TXNDC8: variants seen among roughly 807,000 people sequenced by gnomAD.
TXNDC8 encodes the protein thioredoxin domain containing 8, also known as thioredoxin domain-containing protein 8.
Under a neutral mutation model 12.9 loss-of-function variants are expected in TXNDC8, and 15 were observed. The ratio of observed to expected loss-of-function variants is 1.16; its 90% confidence interval spans 0.78 to 1.79. TXNDC8 has a LOEUF of 1.79. TXNDC8 is among the 40% of genes most tolerant of loss of function. The pLI is 0.00. For missense variants in TXNDC8, 128 were observed against 113.2 expected (o/e 1.13, Z -0.59); for synonymous variants, 40 against 35.4 (o/e 1.13, Z -0.46).
Position 110,334,219 on chromosome 9 carries a change from G to GA in TXNDC8, c.125dup (p.His43ProfsTer2). ...GATATATACTGGTTGTACTCACATG[G>GA]AAAACAGGAAACATCCTTTTGCAGG... is the stretch of plus-strand genomic sequence containing the variant. On this transcript the variant is annotated frameshift_variant, in exon 2 of 5. Coordinates refer to ENST00000423740, the MANE Select transcript of TXNDC8 (RefSeq NM_001286946.2). LOFTEE classifies it high-confidence loss of function. 6.2e-7 allele frequency: 1 copy of GA among 1,610,380 alleles called. No individual in the cohort carries two copies.
In TXNDC8 at chr9:110,316,586, G is replaced by A. The variant is rs116579279; in HGVS notation, c.195+9589C>T. Among the ~76,000 whole-genome samples, 454 of 152,258 alleles carry A rather than the reference G, an allele frequency of 3.0e-3. 2 individuals are homozygous for A. The highest frequency in any genetic ancestry group is 0.01 in the African/African-American group (419 of 41,542). ...AAGCAGCTTGAATTTATATGCACTC[G>A]AATTCAAGAACAAGAGCCTATAAAA... On this transcript the variant is annotated intron_variant, in intron 3 of 4. Transcript: ENST00000423740.
chr9:110,317,062 G>A (rs1587966956), intron 3 of TXNDC8, among the ~76,000 whole-genome samples: 1 of 152,348 alleles, frequency 6.6e-6, no homozygotes, highest in Non-Finnish European at 1.5e-5. Context: ...CTGCCTAAGA[G>A]CTAGGTAGTC....
At chr9:110,311,557 A>ATATATATC (rs1554702019) in intron 3 of TXNDC8, among the ~76,000 whole-genome samples, 7 of 125,930 alleles carry the variant, frequency 5.6e-5, no homozygotes, top group East Asian at 2.4e-4. Flanking sequence ...ATATATATAT[A>ATATATATC]TCTCCATACT....
intron 4 of TXNDC8, 149 bp from the exon 6 acceptor site, chr9:110,303,732 A>G (rs775335075): frequency 6.5e-7 from 1 of 1,539,950 alleles, no homozygotes; most frequent in South Asian, 1.2e-5. Flanking sequence ...TATACATTAA[A>G]CACATTAAAT....
At chr9:110,302,256 C>T (rs142491221), downstream of TXNDC8, among the ~76,000 whole-genome samples, 2 of 152,218 alleles carry the variant, frequency 1.3e-5, no homozygotes, top group East Asian at 1.9e-4. Flanking sequence ...CCACCTCAGC[C>T]TCTCAAGCAG....
intron 3 of TXNDC8, among the ~76,000 whole-genome samples, chr9:110,313,018 G>A (rs531237050): frequency 3.5e-4 from 54 of 152,204 alleles, no homozygotes; most frequent in African/African-American, 1.3e-3. Context: ...TGATTCTCCT[G>A]CCTCAGCCTC....
chr9:110,334,389 G>A, intron 1 of TXNDC8, 69 bp from the exon 2 acceptor site: 2 of 1,385,116 alleles, frequency 1.4e-6, no homozygotes, highest in African/African-American at 2.9e-5. Flanking sequence ...TAGAGAAGAA[G>A]ATGACAGATT....
At chr9:110,330,477 A>AT (rs976554186) in intron 2 of TXNDC8, among the ~76,000 whole-genome samples, 1 of 152,166 alleles carries the variant, frequency 6.6e-6, no homozygotes, top group African/African-American at 2.4e-5. Flanking sequence ...TTTGAGGCTC[A>AT]TTTTTTGCCA....
intron 3 of TXNDC8, among the ~76,000 whole-genome samples, chr9:110,317,042 C>G (rs896987514): frequency 6.6e-6 from 1 of 152,194 alleles, no homozygotes; most frequent in South Asian, 2.1e-4. Context: ...GTTGTTGAGG[C>G]TTCATGCAAC....
At chr9:110,324,998 G>T (rs537195947) in intron 3 of TXNDC8, among the ~76,000 whole-genome samples, 9 of 152,258 alleles carry the variant, frequency 5.9e-5, no homozygotes, top group Middle Eastern at 6.8e-3. Context: ...TGTAATCCCA[G>T]CTACTCGGGA....
At chr9:110,337,584 C>A (rs1303236439) in intron 1 of TXNDC8, among the ~76,000 whole-genome samples, 189 bp downstream of exon 1, 1 of 152,162 alleles carries the variant, frequency 6.6e-6, no homozygotes, top group African/African-American at 2.4e-5. Flanking sequence ...ATCAATTTGA[C>A]CCTTGGCTGC....
chr9:110,302,311 T>A (rs928742294), downstream of TXNDC8, among the ~76,000 whole-genome samples: 26 of 152,122 alleles, frequency 1.7e-4, no homozygotes, highest in African/African-American at 3.9e-4. Flanking sequence ...AATTTGTCTA[T>A]TTTTTGTAGA....
intron 2 of TXNDC8, among the ~76,000 whole-genome samples, chr9:110,331,476 T>C (rs1234539089): frequency 6.6e-6 from 1 of 152,142 alleles, no homozygotes; most frequent in Non-Finnish European, 1.5e-5. Flanking sequence ...CCCAAGCCCA[T>C]TCACCCAGTC....
intron 3 of TXNDC8, among the ~76,000 whole-genome samples, chr9:110,307,007 T>C (rs1838494551): frequency 6.6e-6 from 1 of 152,118 alleles, no homozygotes; most frequent in African/African-American, 2.4e-5. Context: ...AGTGATGCGA[T>C]CATAGTTCAC....
intron 3 of TXNDC8, among the ~76,000 whole-genome samples, chr9:110,316,121 G>T (rs1327370680): frequency 6.7e-6 from 1 of 150,268 alleles, no homozygotes. Flanking sequence ...GCTACTACCT[G>T]CTAGGCTGGT....
intron 3 of TXNDC8, among the ~76,000 whole-genome samples, chr9:110,320,883 A>G (rs1474514970): frequency 6.6e-6 from 1 of 152,260 alleles, no homozygotes; most frequent in Admixed American, 6.5e-5. Context: ...TAAGGAGTAC[A>G]GCAGGAAGGA....
Position 110,326,206 on chromosome 9 carries a change from G to A in TXNDC8, c.164C>T (p.Pro55Leu), listed in dbSNP as rs754942712. The A allele has an allele frequency of 1.9e-6, 3 of 1,613,866 alleles. No homozygotes were observed. In the East Asian group the frequency reaches 6.7e-5, roughly 36 times the overall value. Reference sequence around the variant, plus strand: ...GCTTTTCTTGAACATCTGAAATGTGGGTATTGTTTTGATGTGACAAGTTTC... The same window carrying A: ...GCTTTTCTTGAACATCTGAAATGTGAGTATTGTTTTGATGTGACAAGTTTC... Residue 55 changes from proline to leucine, a missense_variant, in exon 3 of 5, where the codon CCC (proline) becomes CTC (leucine). Pro to Leu is a moderately conservative substitution (Grantham distance 98). Transcript: ENST00000423740.
chr9:110,302,749 G>A (rs1047453106), downstream of TXNDC8, among the ~76,000 whole-genome samples: 1 of 151,828 alleles, frequency 6.6e-6, no homozygotes, highest in Admixed American at 6.6e-5. Flanking sequence ...GTGAGAGAGA[G>A]AGAAAAATGA....
At chr9:110,331,454 T>C (rs1839537987) in intron 2 of TXNDC8, among the ~76,000 whole-genome samples, 1 of 152,036 alleles carries the variant, frequency 6.6e-6, no homozygotes. Context: ...GAGTGGTTCG[T>C]GGAGTTTCTG....
Sources: allele counts gnomAD v4.1 joint callset (sites outside exome capture counted in the v4.1 genomes callset), GRCh38; gene constraint gnomAD v4.1.1; transcripts MANE v1.5; gene names NCBI Gene and HGNC (gene_info 2026-07-23, HGNC 2026-07-21).